Variants in INPP5A observed in about 807,000 individuals in gnomAD.
The protein encoded by INPP5A is 43 kDa inositol polyphosphate 5-phophatase.
Under a neutral mutation model 65.2 loss-of-function variants are expected in INPP5A, and 14 were observed. That is an observed-to-expected ratio of 0.21 (90% CI 0.14 to 0.34). The LOEUF is 0.34. Among genes scored for constraint, INPP5A ranks in the 10% least tolerant of loss-of-function variants. The pLI is 1.00. For missense variants in INPP5A, 431 were observed against 545.6 expected (o/e 0.79, Z 2.09); for synonymous variants, 207 against 208.3 (o/e 0.99, Z 0.05).
intron 4 of INPP5A, among the ~76,000 whole-genome samples, chr10:132,653,414 C>T (rs2072607008): frequency 6.6e-6 from 1 of 152,164 alleles, no homozygotes; most frequent in South Asian, 2.1e-4. Context: ...CTCTGCCTGG[C>T]GTGCGTATCT....
intron 7 of INPP5A, 99 bp from the exon 8 acceptor site, chr10:132,710,238 C>T (rs1279519355): frequency 7.0e-7 from 1 of 1,423,414 alleles, no homozygotes; most frequent in Non-Finnish European, 9.6e-7. Context: ...CGGCGGAGGC[C>T]AGTGCAGGTC....
At position 132,762,548 on chromosome 10, in the gene INPP5A, G is replaced by A. The variant is rs183730855; in HGVS notation, c.904-3225G>A. On this transcript the variant is annotated intron_variant, in intron 11 of 15. Coordinates refer to ENST00000368594, the MANE Select transcript of INPP5A (RefSeq NM_005539.5). The surrounding 1 kb of genome is among the most constrained non-coding windows in gnomAD (Gnocchi z 4.6). ...GGCCACCATAAAGACAGTACCTGGC[G>A]ATGGAGAGACACAGCCCCACCAGCA... is the stretch of plus-strand genomic sequence containing the variant. Among the ~76,000 whole-genome samples, 55 of 152,298 alleles carry A rather than the reference G, an allele frequency of 3.6e-4. No homozygotes were observed. Among genetic ancestry groups the A allele is most frequent in the African/African-American group, 8.9e-4 (37 of 41,556 alleles).
chr10:132,691,700 A>G (rs1845265922), intron 5 of INPP5A, among the ~76,000 whole-genome samples: 1 of 152,232 alleles, frequency 6.6e-6, no homozygotes, highest in Non-Finnish European at 1.5e-5. Flanking sequence ...CAAACTAACA[A>G]GAACAACATG....
intron 1 of INPP5A, among the ~76,000 whole-genome samples, chr10:132,558,129 C>T (rs979862888): frequency 5.9e-5 from 9 of 152,212 alleles, no homozygotes; most frequent in Non-Finnish European, 1.0e-4. Context: ...GTGGAGGCTC[C>T]GCAGGGCAGG....
chr10:132,674,029 CAG>C lies in INPP5A; in HGVS notation c.307-16362_307-16361del, dbSNP rs1276963551. 5.9e-5 allele frequency among the ~76,000 whole-genome samples: 9 copies of C among 152,228 alleles called. No individual in the cohort carries two copies. The highest frequency in any genetic ancestry group is 2.1e-4 in the South Asian group (1 of 4,830). On this transcript the variant is annotated intron_variant, in intron 4 of 15. Transcript: ENST00000368594. This position sits in a 1 kb window ranked among gnomAD's most constrained non-coding sequence, Gnocchi z 4.4. ...TGTTCATGGGCCTATTGGACAATGA[CAG>C]GGGTGGCTTGGGAAAGAGGCTGAAT...
chr10:132,726,643 T>C (rs1193770357), intron 8 of INPP5A, among the ~76,000 whole-genome samples, 178 bp from the exon 9 acceptor site: 4 of 152,052 alleles, frequency 2.6e-5, no homozygotes, highest in South Asian at 2.1e-4. Context: ...TGGACCTCTA[T>C]TGGGGGTGGT....
intron 9 of INPP5A, among the ~76,000 whole-genome samples, chr10:132,738,336 T>A (rs1466539222): frequency 6.6e-6 from 1 of 152,186 alleles, no homozygotes; most frequent in Non-Finnish European, 1.5e-5. Flanking sequence ...TTACTAGCAA[T>A]CAGTGGCTCT....
At chr10:132,779,432 A>G (rs1343937187) in intron 13 of INPP5A, among the ~76,000 whole-genome samples, 1 of 152,256 alleles carries the variant, frequency 6.6e-6, no homozygotes, top group Non-Finnish European at 1.5e-5. Context: ...GCGAGTGCAG[A>G]TTGGTGAGCA....
rs868654496 is a variant in INPP5A, at chr10:132,615,520, C to G, written c.117+7564C>G. ...AGTGGCTGCTGGGTGCGGGGAGGCTCCTGAACTCTCGGAACCTGGAAGTTC... is the reference window on the plus strand; with the variant it reads ...AGTGGCTGCTGGGTGCGGGGAGGCTGCTGAACTCTCGGAACCTGGAAGTTC... On this transcript the variant is annotated intron_variant, in intron 2 of 15. Coordinates refer to ENST00000368594, the MANE Select transcript of INPP5A (RefSeq NM_005539.5). Among the ~76,000 whole-genome samples the G allele has an allele frequency of 2.6e-5, 4 of 152,154 alleles. No individual in the cohort carries two copies. The South Asian group carries it at 8.3e-4, about 32-fold the overall frequency.
chr10:132,584,855 C>T (rs893206781), intron 1 of INPP5A, among the ~76,000 whole-genome samples: 3 of 152,234 alleles, frequency 2.0e-5, no homozygotes, highest in Non-Finnish European at 2.9e-5. Flanking sequence ...GCCTCAGCCT[C>T]CCAAGTAGAT....
intron 11 of INPP5A, among the ~76,000 whole-genome samples, chr10:132,756,406 TTG>T (rs1039474599): frequency 4.2e-4 from 64 of 152,096 alleles, no homozygotes; most frequent in Non-Finnish European, 7.4e-4. Context: ...TTGTATGCAC[TTG>T]TGTGTGTGCG....
intron 12 of INPP5A, among the ~76,000 whole-genome samples, chr10:132,776,420 G>A (rs999273862): frequency 3.9e-5 from 6 of 152,184 alleles, no homozygotes; most frequent in African/African-American, 9.7e-5. Context: ...GGCAGGGTCC[G>A]GGGGGCATGG....
intron 1 of INPP5A, among the ~76,000 whole-genome samples, chr10:132,589,987 C>G (rs374706461): frequency 2.6e-5 from 4 of 152,226 alleles, no homozygotes; most frequent in Admixed American, 2.6e-4. Flanking sequence ...TGCCAGGCCT[C>G]GGGGAGCCCC....
chr10:132,769,117 G>A (rs953598716), intron 12 of INPP5A, among the ~76,000 whole-genome samples: 1 of 152,250 alleles, frequency 6.6e-6, no homozygotes, highest in African/African-American at 2.4e-5. Context: ...GGATGGTTCT[G>A]AAGACCAGCG....
rs924963032 is a variant in INPP5A, at chr10:132,707,834, G to A, written c.475-479G>A. Among the ~76,000 whole-genome samples the A allele has an allele frequency of 2.6e-5, 4 of 152,122 alleles. No individual in the cohort carries two copies. Among genetic ancestry groups the A allele is most frequent in the Admixed American group, 1.3e-4 (2 of 15,264 alleles). On this transcript the variant is annotated intron_variant, in intron 6 of 15. Coordinates refer to ENST00000368594, the MANE Select transcript of INPP5A (RefSeq NM_005539.5). This position sits in a 1 kb window ranked among gnomAD's most constrained non-coding sequence, Gnocchi z 5.5. Reference sequence around the variant, plus strand: ...GGGTGAACGGCATCGGTGGGTGAGAGGCATCGGTGGGTGGTGGGGATCAGT... The same window carrying A: ...GGGTGAACGGCATCGGTGGGTGAGAAGCATCGGTGGGTGGTGGGGATCAGT...
Position 132,777,699 on chromosome 10 carries a change from G to T in INPP5A, c.1006G>T (p.Gly336Cys). Reference sequence around the variant, plus strand: ...CCCGTACAGTGAGGACGCCCGCCAGGGTGAGCAGTACATGAACACCCGGTG... The same window carrying T: ...CCCGTACAGTGAGGACGCCCGCCAGTGTGAGCAGTACATGAACACCCGGTG... Reference protein sequence around the residue: ...SYPYSEDARQGEQYMNTRCPA... With the variant: ...SYPYSEDARQCEQYMNTRCPA... Residue 336 changes from glycine to cysteine, a missense_variant, in exon 13 of 16, where the codon GGT (glycine) becomes TGT (cysteine). Transcript: ENST00000368594. 6.2e-7 allele frequency: 1 copy of T among 1,612,972 alleles called. No individual in the cohort carries two copies. Among genetic ancestry groups the T allele is most frequent in the African/African-American group, 1.3e-5 (1 of 75,044 alleles).
intron 11 of INPP5A, among the ~76,000 whole-genome samples, chr10:132,760,720 C>T (rs1303318924): frequency 6.6e-6 from 1 of 152,224 alleles, no homozygotes; most frequent in Non-Finnish European, 1.5e-5. Flanking sequence ...GGGCCCCTCT[C>T]TCCCATGGCC....
At chr10:132,552,036 A>G (rs1000817888) in intron 1 of INPP5A, among the ~76,000 whole-genome samples, 1 of 152,242 alleles carries the variant, frequency 6.6e-6, no homozygotes, top group Non-Finnish European at 1.5e-5. Context: ...GTCCTCCTGC[A>G]TCCTTGTCTC....
chr10:132,552,583 T>C (rs374767617), intron 1 of INPP5A, among the ~76,000 whole-genome samples: 329 of 69,720 alleles, frequency 4.7e-3, no homozygotes, highest in African/African-American at 6.9e-3. Flanking sequence ...GATTGGTGAA[T>C]GCCTTCTCAG....
Sources: allele counts gnomAD v4.1 joint callset (sites outside exome capture counted in the v4.1 genomes callset), GRCh38; gene constraint gnomAD v4.1.1; non-coding constraint Gnocchi (gnomAD v3.1); transcripts MANE v1.5; gene names NCBI Gene and HGNC (gene_info 2026-07-23, HGNC 2026-07-21).